Variants in MTOR observed in about 807,000 individuals in gnomAD.
MTOR encodes the protein serine/threonine-protein kinase mTOR.
Under a neutral mutation model 319.8 loss-of-function variants are expected in MTOR, and 70 were observed. That is an observed-to-expected ratio of 0.22 (90% confidence interval 0.18 to 0.27). The LOEUF (loss-of-function observed/expected upper bound fraction) is 0.27, where lower values mean the gene tolerates loss of function less well. Among genes scored for constraint, MTOR ranks in the 10% least tolerant of loss-of-function variants. The pLI is 1.00. For missense variants in MTOR, 1,890 were observed against 3,274.4 expected (o/e 0.58, Z 10.32); for synonymous variants, 1,183 against 1,211.4 (o/e 0.98, Z 0.49).
At chr1:11,249,168 G>A (rs1294657309) in intron 6 of MTOR, among the ~76,000 whole-genome samples, 2 of 151,048 alleles carry the variant, frequency 1.3e-5, no homozygotes, top group African/African-American at 4.9e-5. Context: ...AGGTTGCAGT[G>A]AGCCGAGATC....
intron 29 of MTOR, among the ~76,000 whole-genome samples, chr1:11,164,263 A>G (rs568107499): frequency 1.4e-5 from 2 of 140,132 alleles, no homozygotes; most frequent in South Asian, 2.6e-4. Context: ...TGAACCTGGG[A>G]GGCGGAGCTT....
rs1647091587 is a variant in MTOR at position 11,233,466 on chromosome 1, C to T, written c.2353G>A (p.Asp785Asn). ...CCTGGGTTTGGATCAGGGTCTGGAT[C>T]TTTCAGTTTCAAAATTAATGCCTAG... ...ILKALILKLK[D>N]PDPDPNPGVI... is the part of the protein sequence containing the mutation. The change falls in exon 15 of 58, where the codon GAT (aspartate) becomes AAT (asparagine). Residue 785 changes from aspartate to asparagine, a missense_variant. Transcript: ENST00000361445. 1 of 1,613,886 alleles carries T rather than the reference C, an allele frequency of 6.2e-7. No homozygotes were observed. Among genetic ancestry groups the T allele is most frequent in the Non-Finnish European group, 8.5e-7 (1 of 1,179,952 alleles).
In MTOR at chr1:11,238,339, G is replaced by T. The variant is rs994222395; in HGVS notation, c.2002+63C>A. 17 of 1,526,048 alleles carry T rather than the reference G, an allele frequency of 1.1e-5. No individual in the cohort carries two copies. In the African/African-American group the frequency reaches 2.1e-4, roughly 18 times the overall value. The allele number at this position is 1,526,048 out of a possible 1,614,324, so 94.5% of individuals were successfully genotyped here. A position where few individuals can be genotyped will look rare whatever the true frequency, so the allele number is the denominator to read the frequency against. ...CTAGAGAGGCCATGTAATGAAACTGGCTACTCCCAATTGTCCTAAGCTCCT... is the reference window on the plus strand; with the variant it reads ...CTAGAGAGGCCATGTAATGAAACTGTCTACTCCCAATTGTCCTAAGCTCCT... On this transcript the variant is annotated intron_variant, in intron 12 of 57. Transcript: ENST00000361445.
chr1:11,146,798 A>C lies in MTOR; in HGVS notation c.4571-7T>G. 6.2e-7 allele frequency: 1 copy of C among 1,603,556 alleles called. No individual in the cohort carries two copies. Among genetic ancestry groups the C allele is most frequent in the Non-Finnish European group, 8.5e-7 (1 of 1,170,490 alleles). ...TCCATGCTGTCCCACTGACCTATAC[A>C]CACACACATAGACAGAAAGCATCAA... is the stretch of plus-strand genomic sequence containing the variant. On this transcript the variant is annotated splice_region_variant and splice_polypyrimidine_tract_variant and intron_variant, in intron 31 of 57. Transcript: ENST00000361445.
At chr1:11,257,531 C>T (rs1650565864) in intron 3 of MTOR, among the ~76,000 whole-genome samples, 1 of 145,002 alleles carries the variant, frequency 6.9e-6, no homozygotes, top group African/African-American at 2.6e-5. Flanking sequence ...CCATTGCACT[C>T]CAGCCTGGGC....
intron 46 of MTOR, among the ~76,000 whole-genome samples, chr1:11,125,103 T>C (rs1197230791): frequency 2.6e-5 from 4 of 152,010 alleles, no homozygotes; most frequent in Non-Finnish European, 1.5e-5. Context: ...CTCTGGACTG[T>C]AGACTCTGCT....
chr1:11,199,568 C>T lies in MTOR; in HGVS notation c.4080G>A (p.Leu1360=), dbSNP rs2100745905. ...TGTCACTGTGTTCCATGAATTCAGC[C>T]AAGTTTAAGAGGGTCTGTGTGACTT... is the stretch of plus-strand genomic sequence containing the variant. The part of the protein sequence containing the change: ...IAEVTQTLLN[L]AEFMEHSDKG... Residue 1360 remains leucine (L), a synonymous_variant, in exon 27 of 58, where the codon TTG becomes TTA. Transcript: ENST00000361445. This position sits in a 1 kb window ranked among gnomAD's most constrained non-coding sequence, Gnocchi z 4.5. 1 of 1,614,166 alleles carries T rather than the reference C, an allele frequency of 6.2e-7. No individual in the cohort carries two copies. Among genetic ancestry groups the T allele is most frequent in the East Asian group, 2.2e-5 (1 of 44,882 alleles).
chr1:11,194,019 G>C (rs1216041511), intron 28 of MTOR, among the ~76,000 whole-genome samples: 2 of 152,214 alleles, frequency 1.3e-5, no homozygotes, highest in Non-Finnish European at 2.9e-5. Flanking sequence ...GGCCAGAGTA[G>C]AGCAAATTCA....
At chr1:11,204,748 C>A (rs1183266626) in intron 25 of MTOR, 45 bp from the exon 26 acceptor site, 1 of 1,575,144 alleles carries the variant, frequency 6.3e-7, no homozygotes, top group African/African-American at 1.4e-5. Flanking sequence ...GTTTCAAGGG[C>A]CAATTGAAAA....
intron 2 of MTOR, 120 bp downstream of exon 2, chr1:11,259,128 T>A: frequency 1.5e-6 from 2 of 1,316,136 alleles, no homozygotes; most frequent in Non-Finnish European, 2.1e-6. Context: ...GTTGGGTGCC[T>A]TTATAAAATA....
intron 19 of MTOR, among the ~76,000 whole-genome samples, chr1:11,227,093 C>T (rs947588054): frequency 6.6e-6 from 1 of 150,934 alleles, no homozygotes; most frequent in Admixed American, 6.6e-5. Flanking sequence ...AGGTTAGGAG[C>T]TCAAGACCAG....
In MTOR at chr1:11,139,716, G is replaced by A. The variant is rs1019219486; in HGVS notation, c.4873-58C>T. On this transcript the variant is annotated intron_variant, in intron 34 of 57. Coordinates refer to ENST00000361445, the MANE Select transcript of MTOR (RefSeq NM_004958.4). ...CTTCTGATACATTGTTTTTGTGGCA[G>A]AGTCTTGCTCTGTCGCCCAGGCTGG... 50 of 1,607,476 alleles carry A rather than the reference G, an allele frequency of 3.1e-5. No individual in the cohort carries two copies. In the Admixed American group the frequency reaches 8.2e-4, roughly 26 times the overall value.
intron 36 of MTOR, among the ~76,000 whole-genome samples, chr1:11,137,830 A>G (rs371016240): frequency 6.6e-6 from 1 of 152,214 alleles, no homozygotes; most frequent in African/African-American, 2.4e-5. Flanking sequence ...TTTTCCCACA[A>G]ATACTTTCCT....
intron 30 of MTOR, among the ~76,000 whole-genome samples, chr1:11,153,963 G>A (rs2100552138): frequency 6.7e-6 from 1 of 149,010 alleles, no homozygotes; most frequent in Admixed American, 6.8e-5. Context: ...CAGCTACTCA[G>A]GAGGCTGGGG....
Position 11,115,316 on chromosome 1 carries a change from A to C in MTOR, c.7089+80T>G. The C allele has an allele frequency of 7.2e-7, 1 of 1,397,658 alleles. No homozygotes were observed. Among genetic ancestry groups the C allele is most frequent in the South Asian group, 1.2e-5 (1 of 86,292 alleles). 86.6% of individuals were successfully genotyped at this position (1,397,658 alleles called of 1,614,324 possible). ...GTTAAGAGTAAGGCAGTTTGGGCTT[A>C]AGTCTGCCTACAGTGTCAGAGGAGG... On this transcript the variant is annotated intron_variant, in intron 51 of 57. Transcript: ENST00000361445. This position sits in a 1 kb window ranked among gnomAD's most constrained non-coding sequence, Gnocchi z 4.5.
chr1:11,113,003 A>G (rs1248914046), intron 53 of MTOR, 86 bp from the exon 54 acceptor site: 3 of 1,402,346 alleles, frequency 2.1e-6, no homozygotes, highest in African/African-American at 1.4e-5. Context: ...TCATAAAAAT[A>G]TAATTGTTCG....
chr1:11,145,377 AC>A (rs1643897046), intron 32 of MTOR: 1 of 281,386 alleles, frequency 3.6e-6, no homozygotes, highest in South Asian at 5.0e-5. Flanking sequence ...CTGGGGATCT[AC>A]CTTTTTTTTT....
At chr1:11,162,508 G>C (rs1183561180) in intron 29 of MTOR, among the ~76,000 whole-genome samples, 2 of 152,170 alleles carry the variant, frequency 1.3e-5, no homozygotes, top group African/African-American at 2.4e-5. Context: ...TGAAATGAAG[G>C]AAAAAATGTT....
intron 16 of MTOR, among the ~76,000 whole-genome samples, chr1:11,232,140 T>G (rs1647038923): frequency 6.6e-6 from 1 of 152,204 alleles, no homozygotes; most frequent in Non-Finnish European, 1.5e-5. Context: ...GGCCAAGGCT[T>G]TCTTTTTCCC....
Sources: gnomAD v4.1 joint callset for allele counts (sites outside exome capture counted in the v4.1 genomes callset) on GRCh38, gnomAD v4.1.1 for gene constraint, Gnocchi (gnomAD v3.1) non-coding constraint, MANE v1.5 for transcripts, NCBI Gene and HGNC (gene_info 2026-07-23, HGNC 2026-07-21) for gene names.